CDIN1: variants seen among roughly 807,000 people sequenced by gnomAD.
CDIN1 encodes the protein CDAN1 interacting nuclease 1, also known as CDAN1-interacting nuclease 1.
A neutral mutation model predicts 45.3 loss-of-function variants in CDIN1; 33 were observed. That is an observed-to-expected ratio of 0.73 (90% confidence interval 0.55 to 0.97). CDIN1 has a LOEUF of 0.97. Among genes scored for constraint, CDIN1 ranks in the 50% least tolerant of loss-of-function variants. The probability of loss-of-function intolerance (pLI) is 0.00; values close to 1 mark genes in which losing one functional copy is unlikely to be tolerated. For missense variants in CDIN1, 303 were observed against 339.4 expected, an observed-to-expected ratio of 0.89 and a Z score of 0.84; for synonymous variants, 118 against 124.4, an observed-to-expected ratio of 0.95 and a Z score of 0.34.
chr15:36,622,463 G>A (rs1284509805), intron 1 of CDIN1, among the ~76,000 whole-genome samples: 1 of 152,144 alleles, frequency 6.6e-6, no homozygotes. Context: ...TGGGGAGCAG[G>A]GCCCAGCAGT....
intron 1 of CDIN1, among the ~76,000 whole-genome samples, chr15:36,643,572 A>T (rs1016731371): frequency 3.9e-5 from 6 of 152,204 alleles, no homozygotes; most frequent in African/African-American, 1.4e-4. Context: ...ATTCCATTCC[A>T]CTTCTAAATG....
rs1014416091 is a variant in CDIN1 at position 36,809,187 on chromosome 15, T to C, written c.*734T>C. 4 of 285,906 alleles carry C rather than the reference T, an allele frequency of 1.4e-5. No individual in the cohort carries two copies. The highest frequency in any genetic ancestry group is 2.8e-5 in the Non-Finnish European group (4 of 143,974). The allele number at this position is 285,906 out of a possible 1,614,324, so 17.7% of individuals were successfully genotyped here. ...ATCTTATTTGAAAGTATTAGTTCCA[T>C]TGTGCCTGGAAACCACACTCCTTTA... On this transcript the variant is annotated 3_prime_UTR_variant, in exon 11 of 11. Coordinates refer to ENST00000566621, the MANE Select transcript of CDIN1 (RefSeq NM_001321759.2).
At chr15:36,758,754 A>C (rs2053677750) in intron 10 of CDIN1, among the ~76,000 whole-genome samples, 1 of 152,214 alleles carries the variant, frequency 6.6e-6, no homozygotes, top group Admixed American at 6.5e-5. Flanking sequence ...ACACTTATTC[A>C]TACTATGTTA....
At chr15:36,707,806 G>C (rs2042923647) in intron 8 of CDIN1, 1 of 152,156 alleles carries the variant, frequency 6.6e-6, no homozygotes, top group South Asian at 2.1e-4. Flanking sequence ...TCAGAGTATA[G>C]TTACAGAACA....
At chr15:36,748,980 C>G (rs2053383344) in intron 10 of CDIN1, among the ~76,000 whole-genome samples, 1 of 152,140 alleles carries the variant, frequency 6.6e-6, no homozygotes, top group Admixed American at 6.6e-5. Flanking sequence ...GATATAAAGT[C>G]AGTAGGCCAT....
At chr15:36,727,675 A>G (rs1017231670) in intron 10 of CDIN1, among the ~76,000 whole-genome samples, 8 of 152,206 alleles carry the variant, frequency 5.3e-5, no homozygotes, top group African/African-American at 9.6e-5. Context: ...AATATTAAAT[A>G]TATTAGGCAT....
chr15:36,606,108 T>G (rs2038367028), intron 1 of CDIN1, among the ~76,000 whole-genome samples: 1 of 152,158 alleles, frequency 6.6e-6, no homozygotes, highest in African/African-American at 2.4e-5. Context: ...TCTGCTGATC[T>G]GAAGTCACAG....
intron 10 of CDIN1, among the ~76,000 whole-genome samples, chr15:36,772,063 T>G (rs1237039072): frequency 6.6e-6 from 1 of 152,226 alleles, no homozygotes; most frequent in African/African-American, 2.4e-5. Context: ...GGGACAGAAG[T>G]GAGGATCCTC....
At chr15:36,754,777 A>G (rs999276148) in intron 10 of CDIN1, among the ~76,000 whole-genome samples, 2 of 152,124 alleles carry the variant, frequency 1.3e-5, no homozygotes, top group African/African-American at 4.8e-5. Flanking sequence ...AAACTAGAGA[A>G]CAGTATTAAC....
At chr15:36,669,123 C>G (rs879637781) in intron 5 of CDIN1, 3 of 152,102 alleles carry the variant, frequency 2.0e-5, no homozygotes, top group African/African-American at 4.8e-5. Flanking sequence ...TAATTATGGT[C>G]TTATGAAAGC....
chr15:36,673,917 G>C (rs1188740970), intron 5 of CDIN1, among the ~76,000 whole-genome samples: 1 of 152,078 alleles, frequency 6.6e-6, no homozygotes, highest in Non-Finnish European at 1.5e-5. Flanking sequence ...TAAGAAATTA[G>C]GTGAGAATGA....
chr15:36,614,943 C>T (rs2038820241), intron 1 of CDIN1, among the ~76,000 whole-genome samples: 1 of 152,020 alleles, frequency 6.6e-6, no homozygotes, highest in African/African-American at 2.4e-5. Context: ...ATCATGTCCC[C>T]CCTTATGTTG....
chr15:36,652,308 T>C (rs2040603566), intron 3 of CDIN1, among the ~76,000 whole-genome samples: 1 of 152,214 alleles, frequency 6.6e-6, no homozygotes, highest in South Asian at 2.1e-4. Flanking sequence ...GCCTGACACA[T>C]AGCGCTCCAA....
chr15:36,765,653 A>G (rs1036876029), intron 10 of CDIN1, among the ~76,000 whole-genome samples: 4 of 152,194 alleles, frequency 2.6e-5, no homozygotes, highest in Non-Finnish European at 5.9e-5. Flanking sequence ...GTTATTTAAA[A>G]TTCTTAATTA....
chr15:36,634,241 C>A (rs1173619114), intron 1 of CDIN1, among the ~76,000 whole-genome samples: 1 of 151,946 alleles, frequency 6.6e-6, no homozygotes, highest in Non-Finnish European at 1.5e-5. Flanking sequence ...CCATCCTGGC[C>A]AACATGGTGA....
rs750016091 is a variant in CDIN1 at position 36,697,425 on chromosome 15, G to A, written c.544+35G>A. The A allele has an allele frequency of 2.7e-6, 4 of 1,485,522 alleles. No homozygotes were observed. In the South Asian group the frequency reaches 4.8e-5, roughly 18 times the overall value. 92.0% of individuals were successfully genotyped at this position (1,485,522 alleles called of 1,614,324 possible). On this transcript the variant is annotated intron_variant, in intron 8 of 10. Coordinates refer to ENST00000566621, the MANE Select transcript of CDIN1 (RefSeq NM_001321759.2). ...ATTCACATCTTCTCTAGCTTGTGTT[G>A]TCTCCCTGAGTGCTTAAATATATAT...
Position 36,709,206 on chromosome 15 carries a change from G to C in CDIN1, c.545-17G>C. On this transcript the variant is annotated splice_polypyrimidine_tract_variant and intron_variant, in intron 8 of 10. Coordinates refer to ENST00000566621, the MANE Select transcript of CDIN1 (RefSeq NM_001321759.2). ...TTGAATAGTGTTTTAAGTAAATAGTGTTTGTTCTTCCTGTAGATGAAGATC... is the reference window on the plus strand; with the variant it reads ...TTGAATAGTGTTTTAAGTAAATAGTCTTTGTTCTTCCTGTAGATGAAGATC... 6.3e-7 allele frequency: 1 copy of C among 1,584,964 alleles called. No individual in the cohort carries two copies. The highest frequency in any genetic ancestry group is 2.3e-5 in the East Asian group (1 of 44,142).
At chr15:36,755,677 G>A (rs575564150) in intron 10 of CDIN1, among the ~76,000 whole-genome samples, 47 of 69,624 alleles carry the variant, frequency 6.8e-4, no homozygotes, top group African/African-American at 1.9e-3. Flanking sequence ...TGAGTTCTTA[G>A]TGTTGGTTTA....
chr15:36,684,239 A>G (rs959094328), intron 5 of CDIN1, among the ~76,000 whole-genome samples: 49 of 150,782 alleles, frequency 3.2e-4, no homozygotes, highest in African/African-American at 1.1e-3. Flanking sequence ...ATTATTTTGA[A>G]ATACGTCCCA....
Sources: allele counts gnomAD v4.1 joint callset (sites outside exome capture counted in the v4.1 genomes callset), GRCh38; gene constraint gnomAD v4.1.1; transcripts MANE v1.5; gene names NCBI Gene and HGNC (gene_info 2026-07-23, HGNC 2026-07-21).